The following LRRC7 variants were observed in gnomAD, a reference collection of about 807,000 sequenced individuals.
LRRC7 encodes the protein leucine rich repeat containing 7, also known as leucine-rich repeat-containing protein 7.
LRRC7 carries 23 observed loss-of-function variants against 175.7 expected under a neutral mutation model. The ratio of observed to expected loss-of-function variants is 0.13; its 90% confidence interval spans 0.09 to 0.19. The LOEUF is 0.19. Among genes scored for constraint, LRRC7 ranks in the 10% least tolerant of loss-of-function variants. The pLI is 1.00. For missense variants in LRRC7, 1,354 were observed against 1,904.7 expected (o/e 0.71, Z 5.38); for synonymous variants, 685 against 680.9 (o/e 1.01, Z -0.09).
chr1:69,708,941 C>A (rs6695309), intron 2 of LRRC7, among the ~76,000 whole-genome samples: 11,758 of 152,174 alleles, frequency 0.077, 628 homozygotes, highest in East Asian at 0.25. Context: ...CCAAACCCAA[C>A]CAACATCACT....
At chr1:69,698,440 A>G (rs1002061928) in intron 2 of LRRC7, among the ~76,000 whole-genome samples, 1 of 152,248 alleles carries the variant, frequency 6.6e-6, no homozygotes, top group Non-Finnish European at 1.5e-5. Context: ...ATCATGCCCC[A>G]GAAAGCAATG....
chr1:70,026,305 A>G (rs889630787), intron 17 of LRRC7, among the ~76,000 whole-genome samples: 18 of 152,104 alleles, frequency 1.2e-4, no homozygotes, highest in Non-Finnish European at 2.9e-5. Flanking sequence ...AATGTTCTTA[A>G]TTGGCATGAT....
intron 18 of LRRC7, among the ~76,000 whole-genome samples, chr1:70,035,013 GTT>G (rs1659158459): frequency 6.6e-6 from 1 of 151,998 alleles, no homozygotes; most frequent in South Asian, 2.1e-4. Flanking sequence ...CAACCGATTA[GTT>G]TTAAGACAGG....
intron 3 of LRRC7, among the ~76,000 whole-genome samples, chr1:69,781,763 G>GAGAA (rs1553155162): frequency 1.0e-4 from 4 of 39,228 alleles, no homozygotes; most frequent in Admixed American, 3.1e-4. Flanking sequence ...GAGAGAGAGA[G>GAGAA]AGAAAGAAAG....
chr1:69,591,303 T>C (rs1646624272), intron 1 of LRRC7, among the ~76,000 whole-genome samples: 1 of 152,084 alleles, frequency 6.6e-6, no homozygotes, highest in Non-Finnish European at 1.5e-5. Flanking sequence ...CCACAGAATA[T>C]ACATTTTAGT....
chr1:69,618,960 C>G (rs1366843775), intron 1 of LRRC7, among the ~76,000 whole-genome samples: 1 of 152,112 alleles, frequency 6.6e-6, no homozygotes, highest in Non-Finnish European at 1.5e-5. Context: ...ATAGTTGCAC[C>G]CAATTTCAAA....
intron 2 of LRRC7, among the ~76,000 whole-genome samples, chr1:69,718,168 G>GAAAGAAAGAAAC (rs777380635): frequency 6.7e-6 from 1 of 150,058 alleles, no homozygotes; most frequent in African/African-American, 2.4e-5. Context: ...AAGAAAGAAA[G>GAAAGAAAGAAAC]AAAGAAGAAA....
chr1:69,982,096 C>T (rs1204604688), intron 9 of LRRC7, among the ~76,000 whole-genome samples: 2 of 152,184 alleles, frequency 1.3e-5, no homozygotes, highest in African/African-American at 4.8e-5. Flanking sequence ...TTGTTACATT[C>T]CCAAAATCCA....
At chr1:70,102,224 CACT>C (rs1340048740) in intron 25 of LRRC7, among the ~76,000 whole-genome samples, 1 of 152,064 alleles carries the variant, frequency 6.6e-6, no homozygotes, top group African/African-American at 2.4e-5. Flanking sequence ...GACTCATGTC[CACT>C]ACTAAGAGTG....
At chr1:69,797,825 C>G (rs2101082633) in intron 4 of LRRC7, among the ~76,000 whole-genome samples, 1 of 152,282 alleles carries the variant, frequency 6.6e-6, no homozygotes, top group South Asian at 2.1e-4. Flanking sequence ...GAGTTCCTAA[C>G]ACAGAATTAA....
At chr1:69,928,246 G>A (rs1647154068) in intron 7 of LRRC7, among the ~76,000 whole-genome samples, 1 of 152,186 alleles carries the variant, frequency 6.6e-6, no homozygotes, top group Non-Finnish European at 1.5e-5. Context: ...GGCTGCTCGG[G>A]GGTCAGGAGT....
intron 23 of LRRC7, among the ~76,000 whole-genome samples, chr1:70,060,277 TC>T (rs1217325204): frequency 6.6e-6 from 1 of 151,982 alleles, no homozygotes; most frequent in Non-Finnish European, 1.5e-5. Flanking sequence ...TGAGCAGAGA[TC>T]ATGCCACTGC....
chr1:69,789,006 A>G (rs1674812013), intron 3 of LRRC7, among the ~76,000 whole-genome samples: 1 of 152,176 alleles, frequency 6.6e-6, no homozygotes, highest in Non-Finnish European at 1.5e-5. Context: ...TTTCATGAAC[A>G]AATGAATGAA....
rs1043079383 is a variant in LRRC7, at chr1:70,075,091, G to A, written c.4231-986G>A. 5.9e-5 allele frequency among the ~76,000 whole-genome samples: 9 copies of A among 152,216 alleles called. No homozygotes were observed. In the South Asian group the frequency reaches 6.2e-4, roughly 11 times the overall value. On this transcript the variant is annotated intron_variant, in intron 23 of 26. Transcript: ENST00000651989. ...ATGAATTCAGGAAATAAATCCCCACGTCTTTCAATAGCAATGGGTGAAGTA... is the reference window on the plus strand; with the variant it reads ...ATGAATTCAGGAAATAAATCCCCACATCTTTCAATAGCAATGGGTGAAGTA...
chr1:69,818,365 A>G (rs1336433589), intron 4 of LRRC7, among the ~76,000 whole-genome samples: 1 of 152,128 alleles, frequency 6.6e-6, no homozygotes, highest in Non-Finnish European at 1.5e-5. Flanking sequence ...ATCTAGTAAA[A>G]TGATCATATG....
chr1:70,015,102 G>T (rs1324674512), intron 13 of LRRC7, among the ~76,000 whole-genome samples: 2 of 151,952 alleles, frequency 1.3e-5, no homozygotes, highest in African/African-American at 4.8e-5. Context: ...TTTTAGTTAG[G>T]AATAACTTTT....
At chr1:69,920,103 A>G in intron 7 of LRRC7, 1 of 252,602 alleles carries the variant, frequency 4.0e-6, no homozygotes, top group Non-Finnish European at 7.6e-6. Flanking sequence ...ACCCAGGGCA[A>G]TGTGGTGGGA....
At chr1:70,018,676 T>G in intron 14 of LRRC7, 43 bp from the exon 15 acceptor site, 1 of 1,364,500 alleles carries the variant, frequency 7.3e-7, no homozygotes, top group Non-Finnish European at 1.0e-6. Context: ...CTGTTATATA[T>G]TTGCAATTGT....
chr1:69,667,965 T>G (rs944500631), intron 1 of LRRC7, among the ~76,000 whole-genome samples: 1 of 152,136 alleles, frequency 6.6e-6, no homozygotes, highest in African/African-American at 2.4e-5. Context: ...TTATTTTTTG[T>G]GTACCCATTG....
Sources: allele counts gnomAD v4.1 joint callset (sites outside exome capture counted in the v4.1 genomes callset), GRCh38; gene constraint gnomAD v4.1.1; transcripts MANE v1.5; gene names NCBI Gene and HGNC (gene_info 2026-07-23, HGNC 2026-07-21).